RSRC1: variants seen among roughly 807,000 people sequenced by gnomAD.
The protein encoded by RSRC1 is serine/Arginine-related protein 53.
RSRC1 carries 39 observed loss-of-function variants against 49.1 expected under a neutral mutation model. The ratio of observed to expected loss-of-function variants is 0.79; its 90% CI spans 0.61 to 1.04. The LOEUF (loss-of-function observed/expected upper bound fraction) is 1.04, where lower values mean the gene tolerates loss of function less well. Ranked by LOEUF, RSRC1 falls within the 50% of genes least tolerant of loss-of-function variation. RSRC1 has a pLI of 0.00. For missense variants in RSRC1, 388 were observed against 402.4 expected (o/e 0.96, Z 0.31); for synonymous variants, 143 against 130.8 (o/e 1.09, Z -0.63).
chr3:158,328,347 G>A (rs1296724818), intron 5 of RSRC1, among the ~76,000 whole-genome samples: 1 of 152,078 alleles, frequency 6.6e-6, no homozygotes, highest in Non-Finnish European at 1.5e-5. Context: ...TTACAATTTG[G>A]CATGTTTTTG....
chr3:158,250,173 T>C (rs963719921), intron 4 of RSRC1, among the ~76,000 whole-genome samples: 7 of 152,242 alleles, frequency 4.6e-5, no homozygotes, highest in African/African-American at 1.7e-4. Context: ...TATATAGTAC[T>C]CTATTGTGTA....
At chr3:158,359,110 T>C (rs988497374) in intron 6 of RSRC1, among the ~76,000 whole-genome samples, 1 of 152,202 alleles carries the variant, frequency 6.6e-6, no homozygotes, top group Non-Finnish European at 1.5e-5. Flanking sequence ...GGTAATTCTA[T>C]GTTTAATTTT....
chr3:158,198,142 C>T (rs1720758284), intron 3 of RSRC1, among the ~76,000 whole-genome samples: 1 of 151,986 alleles, frequency 6.6e-6, no homozygotes, highest in African/African-American at 2.4e-5. Context: ...CTTTGTAAGT[C>T]TCTGAGGACT....
At chr3:158,176,255 C>T (rs544954355) in intron 3 of RSRC1, among the ~76,000 whole-genome samples, 1 of 152,108 alleles carries the variant, frequency 6.6e-6, no homozygotes, top group Non-Finnish European at 1.5e-5. Flanking sequence ...CAGTGCCATC[C>T]CCATCAAGTT....
At chr3:158,417,311 T>C (rs1734794264) in intron 6 of RSRC1, among the ~76,000 whole-genome samples, 1 of 152,212 alleles carries the variant, frequency 6.6e-6, no homozygotes, top group African/African-American at 2.4e-5. Context: ...GCTACCTTAA[T>C]GCTATCATCA....
chr3:158,272,039 GT>G (rs201688829), intron 4 of RSRC1, among the ~76,000 whole-genome samples: 6 of 150,650 alleles, frequency 4.0e-5, no homozygotes, highest in East Asian at 1.9e-4. Context: ...CCAATTTGTT[GT>G]TTTTTTTTCC....
intron 5 of RSRC1, among the ~76,000 whole-genome samples, chr3:158,315,118 C>T (rs1015114515): frequency 2.6e-5 from 4 of 151,950 alleles, no homozygotes; most frequent in African/African-American, 9.7e-5. Context: ...ATATATGAAA[C>T]CAAATGTAAA....
At chr3:158,201,012 T>C (rs907932612) in intron 3 of RSRC1, among the ~76,000 whole-genome samples, 2 of 152,176 alleles carry the variant, frequency 1.3e-5, no homozygotes, top group East Asian at 1.9e-4. Flanking sequence ...TGAAGAACTT[T>C]CTTTAGTATT....
intron 4 of RSRC1, among the ~76,000 whole-genome samples, chr3:158,218,021 T>TA (rs1470627461): frequency 1.3e-5 from 2 of 151,500 alleles, no homozygotes; most frequent in East Asian, 2.0e-4. Flanking sequence ...GGGACACTGA[T>TA]ACGAACAGGG....
At chr3:158,257,144 A>G (rs994346897) in intron 4 of RSRC1, among the ~76,000 whole-genome samples, 3 of 151,870 alleles carry the variant, frequency 2.0e-5, no homozygotes, top group Admixed American at 1.3e-4. Flanking sequence ...TTGCTTCTCT[A>G]GTTCTTTTAA....
chr3:158,408,894 A>G (rs1734284958), intron 6 of RSRC1, among the ~76,000 whole-genome samples: 1 of 151,960 alleles, frequency 6.6e-6, no homozygotes, highest in African/African-American at 2.4e-5. Flanking sequence ...TTAGCTGGAC[A>G]TGGTGGCTCA....
chr3:158,410,700 G>A (rs1047453717), intron 6 of RSRC1, among the ~76,000 whole-genome samples: 43 of 151,978 alleles, frequency 2.8e-4, no homozygotes, highest in Non-Finnish European at 5.9e-5. Flanking sequence ...TGTAATTTCA[G>A]CTATTCAGCA....
At chr3:158,421,021 C>A (rs188092887) in intron 6 of RSRC1, among the ~76,000 whole-genome samples, 65 of 151,902 alleles carry the variant, frequency 4.3e-4, no homozygotes, top group Non-Finnish European at 9.1e-4. Context: ...AATATTCATT[C>A]GTTTTTTTTC....
chr3:158,181,048 C>T (rs1289766962), intron 3 of RSRC1, among the ~76,000 whole-genome samples: 1 of 151,986 alleles, frequency 6.6e-6, no homozygotes, highest in Non-Finnish European at 1.5e-5. Context: ...TTGTGATCCG[C>T]CCACCTTGGC....
intron 6 of RSRC1, among the ~76,000 whole-genome samples, chr3:158,370,201 C>T (rs1024014574): frequency 1.3e-5 from 2 of 151,656 alleles, no homozygotes; most frequent in African/African-American, 4.8e-5. Context: ...ATTGTTTTTG[C>T]TTATCTTTAT....
chr3:158,258,206 AC>A (rs1724679414), intron 4 of RSRC1, among the ~76,000 whole-genome samples: 3 of 71,078 alleles, frequency 4.2e-5, no homozygotes, highest in African/African-American at 1.6e-4. Context: ...ACTCCTTTTA[AC>A]CTTTTTTTTT....
At chr3:158,243,042 C>G (rs1202354677) in intron 4 of RSRC1, among the ~76,000 whole-genome samples, 1 of 152,090 alleles carries the variant, frequency 6.6e-6, no homozygotes, top group Non-Finnish European at 1.5e-5. Context: ...TGGAGAAGCT[C>G]TTTAGTTTTA....
intron 6 of RSRC1, among the ~76,000 whole-genome samples, chr3:158,360,717 A>T (rs886342024): frequency 2.0e-5 from 3 of 152,218 alleles, no homozygotes; most frequent in African/African-American, 7.2e-5. Context: ...CTGCTCTGAG[A>T]TTGGAGCAGG....
At chr3:158,300,245 G>A (rs913044785) in intron 5 of RSRC1, among the ~76,000 whole-genome samples, 1 of 152,150 alleles carries the variant, frequency 6.6e-6, no homozygotes, top group Non-Finnish European at 1.5e-5. Context: ...AGAAGCAGAT[G>A]ATTTGAATGC....
Sources: allele counts gnomAD v4.1 joint callset (sites outside exome capture counted in the v4.1 genomes callset), GRCh38; gene constraint gnomAD v4.1.1; transcripts MANE v1.5; gene names NCBI Gene and HGNC (gene_info 2026-07-23, HGNC 2026-07-21).